LEPR: variants seen among roughly 807,000 people sequenced by gnomAD.
LEPR encodes leptin receptor.
Under a neutral mutation model 114.7 loss-of-function variants are expected in LEPR, and 56 were observed. The ratio of observed to expected loss-of-function variants is 0.49; its 90% confidence interval spans 0.39 to 0.61. LEPR has a LOEUF of 0.61. LEPR is among the 20% of genes least tolerant of loss of function. LEPR has a pLI of 0.00. For synonymous variants in LEPR, 443 were observed against 461.4 expected (o/e 0.96, Z 0.51); for missense variants, 1,202 against 1,352.9 (o/e 0.89, Z 1.75).
chr1:65,474,168 G>A (rs545527954), intron 2 of LEPR, among the ~76,000 whole-genome samples: 52 of 152,290 alleles, frequency 3.4e-4, no homozygotes, highest in African/African-American at 1.2e-3. Context: ...TCATACACTT[G>A]TTGTATCCCC....
At chr1:65,611,666 A>C (rs990924572) in intron 14 of LEPR, among the ~76,000 whole-genome samples, 1 of 152,338 alleles carries the variant, frequency 6.6e-6, no homozygotes. Flanking sequence ...GTCTTTCTCC[A>C]GACAGTTCTT....
intron 2 of LEPR, among the ~76,000 whole-genome samples, chr1:65,514,246 C>A (rs1649173255): frequency 1.3e-5 from 2 of 152,194 alleles, no homozygotes; most frequent in Admixed American, 6.5e-5. Flanking sequence ...CTGCCATATT[C>A]ATGCCAGCAG....
At chr1:65,449,866 C>A (rs1182937450) in intron 2 of LEPR, among the ~76,000 whole-genome samples, 3 of 151,692 alleles carry the variant, frequency 2.0e-5, no homozygotes, top group Non-Finnish European at 2.9e-5. Flanking sequence ...TTATATCTTT[C>A]TTCCTTTCTA....
At chr1:65,490,978 G>A (rs1231999838) in intron 2 of LEPR, among the ~76,000 whole-genome samples, 1 of 152,122 alleles carries the variant, frequency 6.6e-6, no homozygotes, top group Non-Finnish European at 1.5e-5. Context: ...GGGATGCTGA[G>A]GAATCTGGAT....
chr1:65,608,943 A>G, intron 12 of LEPR, 42 bp downstream of exon 12: 3 of 1,609,736 alleles, frequency 1.9e-6, no homozygotes, highest in Non-Finnish European at 2.5e-6. Flanking sequence ...ATTAAATGCT[A>G]TTTTTATAAT....
chr1:65,530,701 CTG>C (rs773557609), intron 2 of LEPR, among the ~76,000 whole-genome samples: 33 of 152,112 alleles, frequency 2.2e-4, no homozygotes, highest in Non-Finnish European at 4.7e-4. Context: ...TTACTGCAAC[CTG>C]TTTTATCAGC....
Position 65,421,459 on chromosome 1 carries a change from G to A in LEPR, c.-97+719G>A, listed in dbSNP as rs981604709. 3.3e-6 allele frequency: 5 copies of A among 1,535,942 alleles called. No individual in the cohort carries two copies. The African/African-American group carries it at 5.5e-5, about 17-fold the overall frequency. ...TTTTTTGCAAGGCTTCCTGTATTTTGGTAGGAAAACATTCCATTTCTAATC... is the reference window on the plus strand; with the variant it reads ...TTTTTTGCAAGGCTTCCTGTATTTTAGTAGGAAAACATTCCATTTCTAATC... On this transcript the variant is annotated intron_variant, in intron 1 of 19. Transcript: ENST00000349533.
rs1657776951 is a variant in LEPR at position 65,619,981 on chromosome 1, G to A, written c.2449G>A (p.Glu817Lys). ...GTTCAGTCTTTACCCAATATTTATG[G>A]AAGGAGTGGGAAAACCAAAGATAAT... is the stretch of plus-strand genomic sequence containing the variant. ...YQFSLYPIFM[E>K]GVGKPKIINS... Residue 817 changes from glutamate to lysine, a missense_variant, in exon 17 of 20, where the codon GAA becomes AAA. Physicochemically the swap from Glu to Lys is moderately conservative, Grantham distance 56. Transcript: ENST00000349533. The A allele has an allele frequency of 6.2e-7, 1 of 1,612,070 alleles. No individual in the cohort carries two copies. Among genetic ancestry groups the A allele is most frequent in the South Asian group, 1.1e-5 (1 of 91,024 alleles).
chr1:65,470,145 G>A (rs1268881260), intron 2 of LEPR, among the ~76,000 whole-genome samples: 1 of 152,164 alleles, frequency 6.6e-6, no homozygotes, highest in Non-Finnish European at 1.5e-5. Flanking sequence ...TGGGCCACTA[G>A]CTGACCACAT....
chr1:65,543,742 T>C (rs1651419921), intron 2 of LEPR, among the ~76,000 whole-genome samples: 1 of 152,044 alleles, frequency 6.6e-6, no homozygotes, highest in Non-Finnish European at 1.5e-5. Flanking sequence ...TCCCCATTGC[T>C]TGTTTTTGTC....
At chr1:65,442,195 AT>A (rs1417298214) in intron 2 of LEPR, among the ~76,000 whole-genome samples, 2 of 152,216 alleles carry the variant, frequency 1.3e-5, no homozygotes, top group Non-Finnish European at 2.9e-5. Flanking sequence ...TGAAAAGGTG[AT>A]TCCCAAAAGG....
intron 2 of LEPR, among the ~76,000 whole-genome samples, chr1:65,555,054 C>T (rs992925623): frequency 2.6e-5 from 4 of 152,090 alleles, no homozygotes; most frequent in Non-Finnish European, 5.9e-5. Context: ...ACTGTCTAAC[C>T]AGTAGGAATG....
chr1:65,519,962 C>T (rs1422874795), intron 2 of LEPR, among the ~76,000 whole-genome samples: 1 of 152,026 alleles, frequency 6.6e-6, no homozygotes, highest in Non-Finnish European at 1.5e-5. Context: ...CTCCTGGGTT[C>T]ATGCCATTCT....
chr1:65,555,657 A>C (rs1322401580), intron 2 of LEPR, among the ~76,000 whole-genome samples: 3 of 152,172 alleles, frequency 2.0e-5, no homozygotes, highest in Non-Finnish European at 4.4e-5. Flanking sequence ...ATGATAATTT[A>C]TTATGGCAAT....
intron 2 of LEPR, chr1:65,526,126 C>A (rs542066872): frequency 1.0e-6 from 1 of 967,418 alleles, no homozygotes; most frequent in Non-Finnish European, 1.2e-6. Context: ...AGCATGCCAC[C>A]CGGCCAACTT....
intron 5 of LEPR, among the ~76,000 whole-genome samples, chr1:65,589,997 T>C (rs1427554018): frequency 1.3e-5 from 2 of 151,900 alleles, no homozygotes; most frequent in African/African-American, 2.4e-5. Flanking sequence ...ATTAAATCTG[T>C]AGATAAATTT....
At chr1:65,596,965 C>A (rs1053622308) in intron 7 of LEPR, among the ~76,000 whole-genome samples, 1 of 152,060 alleles carries the variant, frequency 6.6e-6, no homozygotes, top group Non-Finnish European at 1.5e-5. Flanking sequence ...GATCTGTGCA[C>A]ATTCCTGTAA....
intron 2 of LEPR, among the ~76,000 whole-genome samples, chr1:65,499,611 T>C (rs1176201099): frequency 5.3e-5 from 8 of 152,124 alleles, no homozygotes; most frequent in Non-Finnish European, 2.9e-5. Flanking sequence ...TCAGGTTTAG[T>C]GTAGTAACAT....
rs551487821 is a variant in LEPR at position 65,472,940 on chromosome 1, CA to C, written c.-21+47563del. Among the ~76,000 whole-genome samples the C allele has an allele frequency of 2.9e-4, 44 of 152,322 alleles. No homozygotes were observed. The South Asian group carries it at 9.1e-3, about 32-fold the overall frequency. ...ATCTAATTCAAAAACTCATCTAATG[CA>C]GTGCAGTATTCCTCTAAGATACATA... On this transcript the variant is annotated intron_variant, in intron 2 of 19. Coordinates refer to ENST00000349533, the MANE Select transcript of LEPR (RefSeq NM_002303.6).
Sources: gnomAD v4.1 joint callset for allele counts (sites outside exome capture counted in the v4.1 genomes callset) on GRCh38, gnomAD v4.1.1 for gene constraint, MANE v1.5 for transcripts, NCBI Gene and HGNC (gene_info 2026-07-23, HGNC 2026-07-21) for gene names.